Variants in AGK observed in about 807,000 individuals in gnomAD.
AGK encodes the protein acylglycerol kinase, also known as acylglycerol kinase, mitochondrial.
AGK carries 52 observed loss-of-function variants against 66.4 expected under a neutral mutation model. The observed-to-expected ratio is 0.78, with a 90% CI of 0.63 to 0.99. The LOEUF (loss-of-function observed/expected upper bound fraction) is 0.99, where lower values mean the gene tolerates loss of function less well. Among genes scored for constraint, AGK ranks in the 50% least tolerant of loss-of-function variants. AGK has a pLI of 0.00. For missense variants in AGK, 451 were observed against 506.6 expected (o/e 0.89, Z 1.05); for synonymous variants, 182 against 181.1 (o/e 1.00, Z -0.04).
At chr7:141,583,170 T>G (rs935357245) in intron 2 of AGK, among the ~76,000 whole-genome samples, 2 of 151,896 alleles carry the variant, frequency 1.3e-5, no homozygotes, top group African/African-American at 2.4e-5. Flanking sequence ...TGAGTTTGTA[T>G]TGGGGTCAAG....
chr7:141,578,262 C>G (rs531653352), intron 2 of AGK, among the ~76,000 whole-genome samples: 24 of 151,032 alleles, frequency 1.6e-4, no homozygotes, highest in African/African-American at 5.4e-4. Flanking sequence ...TGTTCTCTGG[C>G]TGGCAGGGGT....
At chr7:141,638,845 G>C (rs1456901886) in intron 11 of AGK, among the ~76,000 whole-genome samples, 1 of 152,126 alleles carries the variant, frequency 6.6e-6, no homozygotes, top group African/African-American at 2.4e-5. Flanking sequence ...GTACAGACAA[G>C]CAAAGATACA....
chr7:141,647,905 G>A (rs899874303), intron 13 of AGK, among the ~76,000 whole-genome samples: 2 of 152,046 alleles, frequency 1.3e-5, no homozygotes, highest in South Asian at 2.1e-4. Context: ...TCCTGACCTC[G>A]GCTGATCCGC....
At chr7:141,551,648 A>C (rs993356604) in intron 1 of AGK, among the ~76,000 whole-genome samples, 38 of 152,224 alleles carry the variant, frequency 2.5e-4, no homozygotes, top group Admixed American at 7.2e-4. Flanking sequence ...CCGGCGCGGC[A>C]GGGGAGGGCC....
Position 141,598,945 on chromosome 7 carries a change from A to G in AGK, c.222-2260A>G, listed in dbSNP as rs959370415. The G allele has an allele frequency of 2.0e-5, 3 of 152,168 alleles. No individual in the cohort carries two copies. Among genetic ancestry groups the G allele is most frequent in the African/African-American group, 7.2e-5 (3 of 41,442 alleles). The allele number at this position is 152,168 out of a possible 1,614,324, so 9.4% of individuals were successfully genotyped here. ...TTTTAGGGTCTTTTTACATGTAAAT[A>G]TATTTGCATTTTTAAAGGTAGATTC... On this transcript the variant is annotated intron_variant, in intron 4 of 15. Transcript: ENST00000649286. This position sits in a 1 kb window ranked among gnomAD's most constrained non-coding sequence, Gnocchi z 4.2.
chr7:141,622,669 A>G (rs1796851873), intron 9 of AGK, among the ~76,000 whole-genome samples: 1 of 152,238 alleles, frequency 6.6e-6, no homozygotes, highest in South Asian at 2.1e-4. Context: ...TCCCTGTGAC[A>G]CAACAGTATT....
At chr7:141,558,547 C>T (rs1301301904) in intron 2 of AGK, among the ~76,000 whole-genome samples, 1 of 152,074 alleles carries the variant, frequency 6.6e-6, no homozygotes, top group Non-Finnish European at 1.5e-5. Flanking sequence ...ATTTTGGTTG[C>T]TTTTACCTCT....
At chr7:141,602,239 G>A (rs1269833868) in intron 5 of AGK, among the ~76,000 whole-genome samples, 1 of 134,942 alleles carries the variant, frequency 7.4e-6, no homozygotes. Context: ...TCACTATGTT[G>A]CCAAGGCTGG....
chr7:141,559,856 G>A (rs1026204557), intron 2 of AGK, among the ~76,000 whole-genome samples: 2 of 151,982 alleles, frequency 1.3e-5, no homozygotes. Flanking sequence ...ATTGTTAATG[G>A]GATTGTGTTC....
At chr7:141,623,379 C>CAAAAAAAAAAAAAAAAA (rs35119899) in intron 9 of AGK, among the ~76,000 whole-genome samples, 1 of 54,212 alleles carries the variant, frequency 1.8e-5, no homozygotes, top group African/African-American at 5.1e-5. Flanking sequence ...AACTTTTTCT[C>CAAAAAAAAAAAAAAAAA]AAAAAAAAAA....
At chr7:141,593,222 T>C (rs1178604154) in intron 3 of AGK, 37 bp downstream of exon 3, 1 of 1,584,068 alleles carries the variant, frequency 6.3e-7, no homozygotes, top group South Asian at 1.1e-5. Context: ...AAGCCCCTCC[T>C]TATCTTCATT....
chr7:141,567,808 G>A (rs1170869481), intron 2 of AGK, among the ~76,000 whole-genome samples: 1 of 152,218 alleles, frequency 6.6e-6, no homozygotes, highest in East Asian at 1.9e-4. Context: ...ATAAAAAGTA[G>A]CATAAGAAAG....
chr7:141,551,785 C>T (rs1263688835), intron 1 of AGK, among the ~76,000 whole-genome samples: 1 of 152,096 alleles, frequency 6.6e-6, no homozygotes, highest in Non-Finnish European at 1.5e-5. Flanking sequence ...CAAAATGGGG[C>T]CAATAGTATC....
intron 9 of AGK, among the ~76,000 whole-genome samples, chr7:141,633,512 T>C (rs1294471182): frequency 6.6e-6 from 1 of 152,202 alleles, no homozygotes; most frequent in African/African-American, 2.4e-5. Context: ...TGAGAGCTCT[T>C]GATCCTATAA....
Position 141,630,392 on chromosome 7 carries a change from A to G in AGK, c.589-3509A>G, listed in dbSNP as rs896031410. 4.6e-5 allele frequency among the ~76,000 whole-genome samples: 7 copies of G among 152,286 alleles called. 1 individual carries two copies. In the South Asian group the frequency reaches 1.2e-3, roughly 27 times the overall value. On this transcript the variant is annotated intron_variant, in intron 9 of 15. Transcript: ENST00000649286. ...AGTTGATAATAACGTATATTTAAAC[A>G]TAACTAAGAGAATAAACTTCAAATG...
chr7:141,582,981 A>G (rs1795913729), intron 2 of AGK, among the ~76,000 whole-genome samples: 1 of 151,892 alleles, frequency 6.6e-6, no homozygotes, highest in South Asian at 2.1e-4. Context: ...CAGGAGGGAA[A>G]GAAGGAAGAT....
chr7:141,631,327 G>A (rs973414143), intron 9 of AGK, among the ~76,000 whole-genome samples: 13 of 152,154 alleles, frequency 8.5e-5, no homozygotes, highest in Non-Finnish European at 1.3e-4. Flanking sequence ...CAAAAGTTAA[G>A]TGACTTGCCT....
At chr7:141,577,705 T>G (rs1189631851) in intron 2 of AGK, among the ~76,000 whole-genome samples, 2 of 151,948 alleles carry the variant, frequency 1.3e-5, no homozygotes, top group Admixed American at 6.6e-5. Context: ...CACCCCAGTG[T>G]GCACTCCACC....
At chr7:141,559,030 T>TA (rs1795278992) in intron 2 of AGK, among the ~76,000 whole-genome samples, 1 of 152,206 alleles carries the variant, frequency 6.6e-6, no homozygotes, top group Non-Finnish European at 1.5e-5. Flanking sequence ...CCTTGTGAGA[T>TA]ATAGAATTTT....
Sources: allele counts gnomAD v4.1 joint callset (sites outside exome capture counted in the v4.1 genomes callset), GRCh38; gene constraint gnomAD v4.1.1; non-coding constraint Gnocchi (gnomAD v3.1); transcripts MANE v1.5; gene names NCBI Gene and HGNC (gene_info 2026-07-23, HGNC 2026-07-21).